Variants in CDH18 observed in about 807,000 individuals in gnomAD.
The protein encoded by CDH18 is cadherin-18.
CDH18 carries 31 observed loss-of-function variants against 67.9 expected under a neutral mutation model. The observed-to-expected ratio is 0.46, with a 90% CI of 0.34 to 0.62. CDH18 has a LOEUF of 0.62. Ranked by LOEUF, CDH18 falls within the 20% of genes least tolerant of loss-of-function variation. The probability of loss-of-function intolerance (pLI) is 0.01; values close to 1 mark genes in which losing one functional copy is unlikely to be tolerated. For synonymous variants in CDH18, 362 were observed against 347.2 expected (o/e 1.04, Z -0.48); for missense variants, 890 against 975.5 (o/e 0.91, Z 1.17).
At chr5:20,106,299 C>T (rs936336752) in intron 2 of CDH18, among the ~76,000 whole-genome samples, 2 of 152,162 alleles carry the variant, frequency 1.3e-5, no homozygotes, top group African/African-American at 4.8e-5. Context: ...TCCCTGTTTA[C>T]GGTCCTTAAA....
intron 2 of CDH18, among the ~76,000 whole-genome samples, chr5:20,077,451 C>A (rs1236610125): frequency 1.3e-5 from 2 of 152,184 alleles, no homozygotes. Context: ...AACTTCAGGG[C>A]ACTCCACATC....
At chr5:19,653,248 A>G (rs1047360843) in intron 5 of CDH18, among the ~76,000 whole-genome samples, 1 of 152,096 alleles carries the variant, frequency 6.6e-6, no homozygotes, top group African/African-American at 2.4e-5. Context: ...TAGTCATTGC[A>G]TAGCAACAAT....
chr5:19,544,843 C>T (rs771290655), intron 8 of CDH18, among the ~76,000 whole-genome samples: 7 of 152,054 alleles, frequency 4.6e-5, no homozygotes, highest in African/African-American at 9.7e-5. Flanking sequence ...CCCAACCTAG[C>T]GTAGATCAAT....
At chr5:20,574,293 AT>A (rs746746895) in intron 1 of CDH18, among the ~76,000 whole-genome samples, 50 of 152,124 alleles carry the variant, frequency 3.3e-4, no homozygotes, top group Admixed American at 5.3e-4. Context: ...ATAATTCTAA[AT>A]TCAGACATGT....
chr5:19,571,690 G>A lies in CDH18; in HGVS notation c.1142C>T (p.Pro381Leu), dbSNP rs1025996269. 6.2e-7 allele frequency: 1 copy of A among 1,613,760 alleles called. No homozygotes were observed. Among genetic ancestry groups the A allele is most frequent in the African/African-American group, 1.3e-5 (1 of 74,876 alleles). ...GAGGTAGGAAGGCATGGAAAATAGT[G>A]GTGGTTCATCTACATCCCCAACAAT... ...KIIVGDVDEP[P>L]LFSMPSYLME... The change falls in exon 8 of 13, where the codon CCA becomes CTA. Residue 381 changes from proline to leucine, a missense_variant. Coordinates refer to ENST00000382275, the MANE Select transcript of CDH18 (RefSeq NM_004934.5).
intron 1 of CDH18, among the ~76,000 whole-genome samples, chr5:20,561,570 C>G (rs150878471): frequency 9.6e-4 from 146 of 152,028 alleles, no homozygotes; most frequent in African/African-American, 3.4e-3. Context: ...AAAAAAAGAT[C>G]AGTAGTTGCC....
At chr5:19,777,258 C>A (rs993571743) in intron 3 of CDH18, among the ~76,000 whole-genome samples, 1 of 152,034 alleles carries the variant, frequency 6.6e-6, no homozygotes, top group Admixed American at 6.6e-5. Context: ...CCAGCCTGGG[C>A]AACAAGAGTG....
intron 2 of CDH18, among the ~76,000 whole-genome samples, chr5:20,194,799 C>T (rs1485325955): frequency 1.3e-5 from 2 of 151,940 alleles, no homozygotes; most frequent in African/African-American, 2.4e-5. Context: ...CTTCCTCCCT[C>T]GTTACCCTTA....
At chr5:19,872,845 G>A (rs755708302) in intron 2 of CDH18, among the ~76,000 whole-genome samples, 1 of 152,138 alleles carries the variant, frequency 6.6e-6, no homozygotes, top group Non-Finnish European at 1.5e-5. Flanking sequence ...TACAAGCCTA[G>A]AGGGCCTCTC....
At chr5:19,880,615 T>A (rs1413906105) in intron 2 of CDH18, among the ~76,000 whole-genome samples, 2 of 152,122 alleles carry the variant, frequency 1.3e-5, no homozygotes, top group Non-Finnish European at 2.9e-5. Flanking sequence ...GAGATCAATT[T>A]GGTGTAATCA....
rs1236541163 is a variant in CDH18, at chr5:20,020,768, C to T, written c.-517-28754G>A. Among the ~76,000 whole-genome samples, 6 of 152,134 alleles carry T rather than the reference C, an allele frequency of 3.9e-5. No individual in the cohort carries two copies. The East Asian group carries it at 7.7e-4, about 20-fold the overall frequency. On this transcript the variant is annotated intron_variant, in intron 2 of 14. Coordinates refer to the CDH18 transcript ENST00000507958. ...CAGGACCAGAGCCCCCATGGAGAAT[C>T]TCTACTAGGGCTGTACAGAGGATAA...
At chr5:20,352,821 C>A (rs556657422) in intron 1 of CDH18, among the ~76,000 whole-genome samples, 1 of 151,528 alleles carries the variant, frequency 6.6e-6, no homozygotes, top group African/African-American at 2.4e-5. Flanking sequence ...AAAAAATAAC[C>A]TAATGTTCTT....
intron 1 of CDH18, among the ~76,000 whole-genome samples, chr5:20,433,812 A>G (rs1748958277): frequency 6.6e-6 from 1 of 152,128 alleles, no homozygotes; most frequent in Non-Finnish European, 1.5e-5. Context: ...ATGGCTGAGA[A>G]TAGGTTCTTA....
intron 2 of CDH18, among the ~76,000 whole-genome samples, chr5:20,240,849 T>G (rs1346124950): frequency 6.6e-6 from 1 of 152,170 alleles, no homozygotes; most frequent in Non-Finnish European, 1.5e-5. Context: ...AAAGAACCAC[T>G]GCACCTTAGG....
rs575822206 is a variant in CDH18 at position 20,477,260 on chromosome 5, G to A, written c.-580+98202C>T. Among the ~76,000 whole-genome samples the A allele has an allele frequency of 2.6e-5, 4 of 152,174 alleles. No homozygotes were observed. In the South Asian group the frequency reaches 8.3e-4, roughly 32 times the overall value. ...GCAAGATGGCCAAATAGAAGCTGCA[G>A]TGGTCATCCTGCACGCTCAACTATC... is the stretch of plus-strand genomic sequence containing the variant. On this transcript the variant is annotated intron_variant, in intron 1 of 14. Coordinates refer to the CDH18 transcript ENST00000507958.
intron 6 of CDH18, 89 bp downstream of exon 6, chr5:19,612,345 A>G (rs1749115846): frequency 7.7e-7 from 1 of 1,299,582 alleles, no homozygotes; most frequent in Admixed American, 2.0e-5. Context: ...CCACTTAAGA[A>G]AACAGTAACA....
chr5:20,198,366 A>T (rs1227344449), intron 2 of CDH18, among the ~76,000 whole-genome samples: 1 of 152,286 alleles, frequency 6.6e-6, no homozygotes, highest in East Asian at 1.9e-4. Context: ...GTGATCTCAG[A>T]TGAAGATGAG....
At chr5:20,068,174 C>T (rs1743148385) in intron 2 of CDH18, among the ~76,000 whole-genome samples, 1 of 152,108 alleles carries the variant, frequency 6.6e-6, no homozygotes, top group African/African-American at 2.4e-5. Context: ...GCAATGCTGT[C>T]ATCTCTAAAG....
At chr5:20,151,964 G>A (rs1751145969) in intron 2 of CDH18, among the ~76,000 whole-genome samples, 1 of 150,794 alleles carries the variant, frequency 6.6e-6, no homozygotes, top group Non-Finnish European at 1.5e-5. Context: ...TAATTAAATT[G>A]TATTTACTCT....
Sources: allele counts gnomAD v4.1 joint callset (sites outside exome capture counted in the v4.1 genomes callset), GRCh38; gene constraint gnomAD v4.1.1; transcripts MANE v1.5; gene names NCBI Gene and HGNC (gene_info 2026-07-23, HGNC 2026-07-21).